CDK19: variants seen among roughly 807,000 people sequenced by gnomAD.
CDK19 encodes the protein cyclin-dependent kinase 19.
Under a neutral mutation model 68.3 loss-of-function variants are expected in CDK19, and 20 were observed. That is an observed-to-expected ratio of 0.29 (90% CI 0.21 to 0.43). The LOEUF is 0.43. Among genes scored for constraint, CDK19 ranks in the 20% least tolerant of loss-of-function variants. CDK19 has a pLI of 1.00. For missense variants in CDK19, 339 were observed against 623.5 expected, an observed-to-expected ratio of 0.54 and a Z score of 4.86; for synonymous variants, 221 against 222.8, an observed-to-expected ratio of 0.99 and a Z score of 0.07.
At chr6:110,804,965 A>G (rs1349361457) in intron 1 of CDK19, among the ~76,000 whole-genome samples, 1 of 152,018 alleles carries the variant, frequency 6.6e-6, no homozygotes, top group Non-Finnish European at 1.5e-5. Context: ...CAAAACAAAA[A>G]AAAAAAGACA....
At chr6:110,731,126 A>C (rs1230323727) in intron 2 of CDK19, among the ~76,000 whole-genome samples, 1 of 145,574 alleles carries the variant, frequency 6.9e-6, no homozygotes, top group East Asian at 1.9e-4. Flanking sequence ...AAAAGAAAAG[A>C]AAAGAAAAGA....
rs754862400 is a variant in CDK19, at chr6:110,622,905, T to C, written c.941A>G (p.Lys314Arg). The C allele has an allele frequency of 3.1e-6, 5 of 1,606,406 alleles. No homozygotes were observed. The East Asian group carries it at 1.1e-4, about 36-fold the overall frequency. Residue 314 changes from lysine to arginine, a missense_variant, in exon 10 of 13, where the codon AAA becomes AGA. Lys to Arg is a conservative substitution (Grantham distance 26). This residue lies in a region of CDK19 where 63 missense variants were observed against 156.5 expected (regional missense o/e 0.40). Coordinates refer to ENST00000368911, the MANE Select transcript of CDK19 (RefSeq NM_015076.5). Reference protein sequence around the residue: ...PDSKVFLLLQKLLTMDPTKRI... With the variant: ...PDSKVFLLLQRLLTMDPTKRI... Reference sequence around the variant, plus strand: ...CTTGGTTGGATCCATGGTCAGGAGTTTCTGAAGCTAGAGTGACACACAGGA... The same window carrying C: ...CTTGGTTGGATCCATGGTCAGGAGTCTCTGAAGCTAGAGTGACACACAGGA...
intron 2 of CDK19, among the ~76,000 whole-genome samples, chr6:110,715,206 C>T (rs1035843453): frequency 1.3e-5 from 2 of 152,156 alleles, no homozygotes; most frequent in East Asian, 3.8e-4. Flanking sequence ...TCTGAATTCA[C>T]ATCTTATAAT....
intron 2 of CDK19, among the ~76,000 whole-genome samples, chr6:110,724,125 G>C (rs1185034043): frequency 6.6e-6 from 1 of 151,920 alleles, no homozygotes; most frequent in East Asian, 1.9e-4. Context: ...AGGCCGAGGC[G>C]GGTGGATCAC....
In CDK19 at chr6:110,706,999, T is replaced by TAAA. The variant is rs35488029; in HGVS notation, c.205-36461_205-36459dup. On this transcript the variant is annotated intron_variant, in intron 2 of 12. Transcript: ENST00000368911. ...TATTTTTACATCTCTCTTTTACAGT[T>TAAA]AAAAAAAAAAAAAAAAAAACTGAGA... is the stretch of plus-strand genomic sequence containing the variant. 2.9e-3 allele frequency: 386 copies of TAAA among 132,150 alleles called. 4 individuals are homozygous for TAAA. The highest frequency in any genetic ancestry group is 5.7e-3 in the South Asian group (23 of 4,026). The allele number at this position is 132,150 out of a possible 1,614,324, so 8.2% of individuals were successfully genotyped here.
intron 2 of CDK19, chr6:110,706,765 G>T: frequency 5.7e-6 from 1 of 176,152 alleles, no homozygotes; most frequent in East Asian, 1.4e-4. Context: ...GTAACATTGT[G>T]GGACACTCCT....
chr6:110,640,231 CAAAAAAAAA>C (rs59703376), intron 4 of CDK19, among the ~76,000 whole-genome samples: 23 of 80,714 alleles, frequency 2.8e-4, no homozygotes, highest in African/African-American at 8.0e-4. Flanking sequence ...GACCCTGTCA[CAAAAAAAAA>C]AAAAAAAAAA....
intron 2 of CDK19, among the ~76,000 whole-genome samples, chr6:110,724,367 T>C (rs1002117789): frequency 6.6e-6 from 1 of 151,556 alleles, no homozygotes; most frequent in Non-Finnish European, 1.5e-5. Context: ...AAAAAAAAAA[T>C]ACCAACAAAA....
At chr6:110,675,886 A>G (rs1270057290) in intron 2 of CDK19, among the ~76,000 whole-genome samples, 2 of 152,234 alleles carry the variant, frequency 1.3e-5, no homozygotes, top group African/African-American at 4.8e-5. Flanking sequence ...TTGCTAACAC[A>G]ACATCCATTC....
chr6:110,655,438 C>CT (rs1158181287), intron 4 of CDK19, among the ~76,000 whole-genome samples: 1 of 152,096 alleles, frequency 6.6e-6, no homozygotes, highest in Non-Finnish European at 1.5e-5. Flanking sequence ...CTCTAGGTCT[C>CT]TAACTTTCCA....
intron 1 of CDK19, among the ~76,000 whole-genome samples, chr6:110,776,709 C>T (rs1780424899): frequency 6.6e-6 from 1 of 152,194 alleles, no homozygotes; most frequent in Non-Finnish European, 1.5e-5. Flanking sequence ...GTGCTTGTGA[C>T]ATTCTAAGTT....
At chr6:110,788,538 C>G (rs1177218601) in intron 1 of CDK19, among the ~76,000 whole-genome samples, 1 of 152,124 alleles carries the variant, frequency 6.6e-6, no homozygotes, top group African/African-American at 2.4e-5. Context: ...AGCTTTAGAT[C>G]CTTCACCTTT....
chr6:110,794,818 C>T (rs776018118), intron 1 of CDK19, among the ~76,000 whole-genome samples: 1 of 151,680 alleles, frequency 6.6e-6, no homozygotes, highest in Non-Finnish European at 1.5e-5. Context: ...AAAAAATCAC[C>T]CATTCTTCCA....
At chr6:110,798,958 C>T (rs1782151782) in intron 1 of CDK19, among the ~76,000 whole-genome samples, 2 of 151,640 alleles carry the variant, frequency 1.3e-5, no homozygotes, top group Admixed American at 6.6e-5. Context: ...GCCTGGGCAG[C>T]ATGGCAAAAC....
intron 4 of CDK19, among the ~76,000 whole-genome samples, chr6:110,653,623 G>A (rs764775846): frequency 2.6e-5 from 4 of 152,056 alleles, no homozygotes; most frequent in South Asian, 2.1e-4. Context: ...TTAAGTTATC[G>A]GCAATAAAAT....
At chr6:110,732,106 A>ATC in intron 2 of CDK19, among the ~76,000 whole-genome samples, 1 of 135,262 alleles carries the variant, frequency 7.4e-6, no homozygotes, top group Non-Finnish European at 1.6e-5. Flanking sequence ...AAACTGCGCC[A>ATC]TCTAGCTAAC....
chr6:110,805,302 GTACCACTAA>G (rs1782606537), intron 1 of CDK19, among the ~76,000 whole-genome samples: 1 of 151,806 alleles, frequency 6.6e-6, no homozygotes, highest in Non-Finnish European at 1.5e-5. Flanking sequence ...GAATCCCAAA[GTACCACTAA>G]TATTATATAG....
chr6:110,616,166 A>C (rs1278587838), intron 12 of CDK19, among the ~76,000 whole-genome samples: 1 of 152,168 alleles, frequency 6.6e-6, no homozygotes, highest in African/African-American at 2.4e-5. Flanking sequence ...TCCTGTCTTG[A>C]TAAATTGGCT....
At chr6:110,622,964 C>A in intron 9 of CDK19, 52 bp from the exon 10 acceptor site, 3 of 1,085,856 alleles carry the variant, frequency 2.8e-6, no homozygotes, top group South Asian at 1.2e-5. Context: ...ATTTACAAGT[C>A]AACACCTTGT....
Sources: allele counts gnomAD v4.1 joint callset (sites outside exome capture counted in the v4.1 genomes callset), GRCh38; gene constraint gnomAD v4.1.1; regional missense constraint gnomAD v4.1.1; transcripts MANE v1.5; gene names NCBI Gene and HGNC (gene_info 2026-07-23, HGNC 2026-07-21).